Variants in ATP6AP2 observed in about 807,000 individuals in gnomAD.
The protein encoded by ATP6AP2 is ATPase H+ transporting accessory protein 2, also known as renin receptor.
A neutral mutation model predicts 23.4 loss-of-function variants in ATP6AP2; 1 was observed. That is an observed-to-expected ratio of 0.04 (90% CI 0.02 to 0.20). The LOEUF (loss-of-function observed/expected upper bound fraction) is 0.20, where lower values mean the gene tolerates loss of function less well. Ranked by LOEUF, ATP6AP2 falls within the 10% of genes least tolerant of loss-of-function variation. The probability of loss-of-function intolerance (pLI) is 1.00; values close to 1 mark genes in which losing one functional copy is unlikely to be tolerated. For synonymous variants in ATP6AP2, 90 were observed against 97.1 expected, an observed-to-expected ratio of 0.93 and a Z score of 0.43; for missense variants, 174 against 271.3, an observed-to-expected ratio of 0.64 and a Z score of 2.52.
intron 3 of ATP6AP2, among the ~76,000 whole-genome samples, chrX:40,593,853 C>T (rs1286267295): frequency 3.6e-5 from 4 of 111,206 alleles, no homozygotes; most frequent in Admixed American, 1.9e-4. Flanking sequence ...TTATGGACAC[C>T]GAGGTTGCTT....
intron 8 of ATP6AP2, among the ~76,000 whole-genome samples, chrX:40,601,405 T>C (rs1926901421): frequency 8.9e-6 from 1 of 111,985 alleles, no homozygotes; most frequent in Non-Finnish European, 1.9e-5. Flanking sequence ...AGTCCCTCAC[T>C]TACTGAGATC....
intron 5 of ATP6AP2, 140 bp from the exon 6 acceptor site, chrX:40,598,541 C>T: frequency 1.6e-6 from 1 of 622,704 alleles, no homozygotes. Flanking sequence ...TTGAAGCAAA[C>T]ATACCAAATG....
Position 40,598,663 on chromosome X carries a change from T to G in ATP6AP2, c.535-18T>G. On this transcript the variant is annotated intron_variant, in intron 5 of 8. Coordinates refer to ENST00000636580, the MANE Select transcript of ATP6AP2 (RefSeq NM_005765.3). The stretch of plus-strand genomic sequence containing the variant: ...TGCACATTTAAAAGAATGCTCTTTT[T>G]TTTTGGGCTCTCTGAAGGTTGACCT... 2 of 1,207,461 alleles carry G rather than the reference T, an allele frequency of 1.7e-6. No individual in the cohort carries two copies. The highest frequency in any genetic ancestry group is 1.7e-5 in the African/African-American group (1 of 57,766).
intron 8 of ATP6AP2, among the ~76,000 whole-genome samples, chrX:40,602,452 C>T (rs1417205253): frequency 1.1e-5 from 1 of 88,262 alleles, no homozygotes; most frequent in Non-Finnish European, 1.9e-5. Context: ...AGTTCGAGAC[C>T]AGCCTGGCCA....
chrX:40,585,377 CAG>C (rs1010695641), intron 1 of ATP6AP2, among the ~76,000 whole-genome samples: 18 of 111,567 alleles, frequency 1.6e-4, no homozygotes, highest in Middle Eastern at 9.2e-3. Flanking sequence ...GGGAAAGAAA[CAG>C]AGGAGAAGCA....
chrX:40,584,903 C>A (rs5963809), intron 1 of ATP6AP2, among the ~76,000 whole-genome samples: 2,629 of 111,900 alleles, frequency 0.023, 79 homozygotes, highest in African/African-American at 0.081. Context: ...GCCACCACAC[C>A]TGGCCTCATT....
intron 1 of ATP6AP2, 145 bp downstream of exon 1, chrX:40,581,247 C>T (rs1430262496): frequency 3.0e-6 from 2 of 662,989 alleles, no homozygotes; most frequent in Non-Finnish European, 2.0e-6. Flanking sequence ...GCCGCGTCCC[C>T]GTCAGCATCT....
chrX:40,601,393 G>A (rs1022651244), intron 8 of ATP6AP2, among the ~76,000 whole-genome samples: 9 of 111,635 alleles, frequency 8.1e-5, no homozygotes, highest in Non-Finnish European at 1.5e-4. Context: ...TCTTTGTGGC[G>A]TAGTCCCTCA....
intron 3 of ATP6AP2, among the ~76,000 whole-genome samples, chrX:40,596,267 C>G (rs761341720): frequency 9.0e-6 from 1 of 111,529 alleles, no homozygotes; most frequent in Non-Finnish European, 1.9e-5. Context: ...TACTTTGCTA[C>G]TTGTAAACAT....
At chrX:40,601,932 A>G (rs906938811) in intron 8 of ATP6AP2, among the ~76,000 whole-genome samples, 1 of 112,543 alleles carries the variant, frequency 8.9e-6, no homozygotes, top group African/African-American at 3.2e-5. Flanking sequence ...ACCACCCAAG[A>G]TTTCCCACCA....
At chrX:40,596,142 G>C (rs1926769529) in intron 3 of ATP6AP2, among the ~76,000 whole-genome samples, 1 of 109,607 alleles carries the variant, frequency 9.1e-6, no homozygotes, top group Admixed American at 9.8e-5. Context: ...TCGCGCCACT[G>C]TACTCCAGCC....
intron 1 of ATP6AP2, 76 bp downstream of exon 1, chrX:40,581,178 G>C: frequency 1.0e-6 from 1 of 999,794 alleles, no homozygotes; most frequent in Non-Finnish European, 1.3e-6. Flanking sequence ...GGGCGGCCGC[G>C]GGCGAGTAGC....
intron 7 of ATP6AP2, chrX:40,600,322 T>G (rs752726072): frequency 8.3e-6 from 1 of 120,165 alleles, no homozygotes; most frequent in Admixed American, 8.6e-5. Flanking sequence ...ATTTCATTTC[T>G]CTTTCCAACT....
Position 40,581,040 on chromosome X carries a change from C to G in ATP6AP2, c.-26C>G, listed in dbSNP as rs1926307731. ...CCCGCCGGCCCGTTCCGTGTCGCCC[C>G]GCAGTGCTGCGGCCGCCGCGGCACC... On this transcript the variant is annotated 5_prime_UTR_variant, in exon 1 of 9. Coordinates refer to ENST00000636580, the MANE Select transcript of ATP6AP2 (RefSeq NM_005765.3). 5 of 1,164,343 alleles carry G rather than the reference C, an allele frequency of 4.3e-6. No individual in the cohort carries two copies. In the South Asian group the frequency reaches 5.7e-5, roughly 13 times the overall value.
At chrX:40,587,380 C>T (rs1317456220) in intron 1 of ATP6AP2, among the ~76,000 whole-genome samples, 3 of 112,309 alleles carry the variant, frequency 2.7e-5, no homozygotes, top group African/African-American at 9.7e-5. Context: ...AGATATCTAT[C>T]AGTTACAAAA....
At chrX:40,590,671 C>T (rs971107022) in intron 2 of ATP6AP2, 1 of 117,583 alleles carries the variant, frequency 8.5e-6, no homozygotes, top group African/African-American at 3.2e-5. Context: ...GAACACCACA[C>T]CTGACCATCT....
chrX:40,589,428 G>C (rs1336187071), intron 2 of ATP6AP2: 3 of 222,319 alleles, frequency 1.3e-5, no homozygotes, highest in Non-Finnish European at 2.4e-5. Context: ...TTGGATGAGT[G>C]CTTCAAGCTT....
chrX:40,584,035 A>G (rs1926395749), intron 1 of ATP6AP2, among the ~76,000 whole-genome samples: 1 of 112,053 alleles, frequency 8.9e-6, no homozygotes, highest in Non-Finnish European at 1.9e-5. Context: ...TAGGTGATCC[A>G]TTTGGATGCC....
chrX:40,595,605 C>G (rs986940318), intron 3 of ATP6AP2, among the ~76,000 whole-genome samples: 3 of 111,894 alleles, frequency 2.7e-5, no homozygotes, highest in Non-Finnish European at 5.6e-5. Flanking sequence ...CTGAACCGAG[C>G]GCCATTTCAC....
Sources: gnomAD v4.1 joint callset for allele counts (sites outside exome capture counted in the v4.1 genomes callset) on GRCh38, gnomAD v4.1.1 for gene constraint, MANE v1.5 for transcripts, NCBI Gene and HGNC (gene_info 2026-07-23, HGNC 2026-07-21) for gene names.